SNTG2: variants seen among roughly 807,000 people sequenced by gnomAD.
The protein encoded by SNTG2 is gamma-2-syntrophin.
A neutral mutation model predicts 70.9 loss-of-function variants in SNTG2; 74 were observed. That is an observed-to-expected ratio of 1.04 (90% CI 0.86 to 1.27). SNTG2 has a LOEUF of 1.27. Ranked by LOEUF, SNTG2 falls within the 50% of genes most tolerant of loss-of-function variation. The pLI is 0.00. For missense variants in SNTG2, 717 were observed against 690.7 expected, an observed-to-expected ratio of 1.04 and a Z score of -0.43; for synonymous variants, 278 against 273.8, an observed-to-expected ratio of 1.02 and a Z score of -0.15.
At chr2:1,358,612 C>T (rs4927647) in intron 16 of SNTG2, among the ~76,000 whole-genome samples, 1 of 151,944 alleles carries the variant, frequency 6.6e-6, no homozygotes, top group East Asian at 1.9e-4. Flanking sequence ...TTGATCCATT[C>T]GTTCCCCAAG....
chr2:1,039,287 G>A (rs1661297132), intron 1 of SNTG2, among the ~76,000 whole-genome samples: 1 of 152,130 alleles, frequency 6.6e-6, no homozygotes, highest in Admixed American at 6.5e-5. Context: ...ATGTGTACAA[G>A]CCTTTCCTTC....
At chr2:981,791 G>C (rs1367938501) in intron 1 of SNTG2, among the ~76,000 whole-genome samples, 1 of 152,068 alleles carries the variant, frequency 6.6e-6, no homozygotes, top group African/African-American at 2.4e-5. Flanking sequence ...CTTGCAAGCA[G>C]ACATGTATAC....
intron 1 of SNTG2, among the ~76,000 whole-genome samples, chr2:1,082,403 C>A (rs903355139): frequency 6.6e-6 from 1 of 152,174 alleles, no homozygotes. Flanking sequence ...GTTCTCACAG[C>A]AGCTGAGTTG....
Position 1,353,198 on chromosome 2 carries a change from C to G in SNTG2, c.1489-14145C>G, listed in dbSNP as rs1175625423. 2.0e-5 allele frequency among the ~76,000 whole-genome samples: 3 copies of G among 152,176 alleles called. No individual in the cohort carries two copies. Among genetic ancestry groups the G allele is most frequent in the Non-Finnish European group, 4.4e-5 (3 of 68,028 alleles). The stretch of plus-strand genomic sequence containing the variant: ...GCAAAGGCTGCACATCAGGCCCCCT[C>G]CATCCCCAGGACAGCCAGGTCACCT... On this transcript the variant is annotated intron_variant, in intron 16 of 16. Coordinates refer to ENST00000308624, the MANE Select transcript of SNTG2 (RefSeq NM_018968.4). This position sits in a 1 kb window ranked among gnomAD's most constrained non-coding sequence, Gnocchi z 4.2.
intron 16 of SNTG2, among the ~76,000 whole-genome samples, chr2:1,318,998 T>A (rs1177404960): frequency 6.6e-6 from 1 of 152,170 alleles, no homozygotes; most frequent in Non-Finnish European, 1.5e-5. Flanking sequence ...TGAGGTTAAA[T>A]GTATTTGTGT....
chr2:1,221,292 TCTCTGTCC>T (rs1248777213), intron 9 of SNTG2, among the ~76,000 whole-genome samples: 6 of 151,640 alleles, frequency 4.0e-5, no homozygotes, highest in African/African-American at 1.5e-4. Context: ...TCTCTCTGTC[TCTCTGTCC>T]CTCTCTGTCT....
chr2:1,267,652 A>C lies in SNTG2; in HGVS notation c.1284+81A>C. Reference sequence around the variant, plus strand: ...AGCATTGGGGAATATGTAGCAGTTTATCGGGGGAAAAGAGGAATCTTCAGA... The same window carrying C: ...AGCATTGGGGAATATGTAGCAGTTTCTCGGGGGAAAAGAGGAATCTTCAGA... On this transcript the variant is annotated intron_variant, in intron 14 of 16. Coordinates refer to ENST00000308624, the MANE Select transcript of SNTG2 (RefSeq NM_018968.4). The C allele has an allele frequency of 2.3e-6, 3 of 1,277,538 alleles. No homozygotes were observed. In the Admixed American group the frequency reaches 5.8e-5, roughly 25 times the overall value. 79.1% of individuals were successfully genotyped at this position (1,277,538 alleles called of 1,614,324 possible). A position where few individuals can be genotyped will look rare whatever the true frequency, so the allele number is the denominator to read the frequency against.
intron 4 of SNTG2, among the ~76,000 whole-genome samples, chr2:1,112,215 C>G (rs12468727): frequency 0.34 from 51,113 of 149,146 alleles, 9,067 homozygotes; most frequent in East Asian, 0.52. Flanking sequence ...TGAGGAGGAT[C>G]GTGTGTACTA....
In SNTG2 at chr2:1,124,716, T is replaced by C. The variant is rs967309026; in HGVS notation, c.326-12906T>C. ...GGGAAATACCACATGACCTCACTTA[T>C]GGGTGGAACCTGACGAAAAGGTCAA... On this transcript the variant is annotated intron_variant, in intron 4 of 16. Coordinates refer to ENST00000308624, the MANE Select transcript of SNTG2 (RefSeq NM_018968.4). Among the ~76,000 whole-genome samples, 9 of 152,128 alleles carry C rather than the reference T, an allele frequency of 5.9e-5. No individual in the cohort carries two copies. The East Asian group carries it at 1.3e-3, about 23-fold the overall frequency.
chr2:1,307,709 T>C (rs964148448), intron 14 of SNTG2, among the ~76,000 whole-genome samples: 2 of 152,220 alleles, frequency 1.3e-5, no homozygotes, highest in African/African-American at 2.4e-5. Flanking sequence ...CCTGCTTCTT[T>C]CGTCTGGAGT....
chr2:1,012,136 C>A (rs1191912251), intron 1 of SNTG2, among the ~76,000 whole-genome samples: 1 of 152,162 alleles, frequency 6.6e-6, no homozygotes, highest in East Asian at 1.9e-4. Context: ...TTCTCCCTGA[C>A]AATCAATACG....
chr2:1,019,457 C>T (rs1385275574), intron 1 of SNTG2, among the ~76,000 whole-genome samples: 1 of 151,866 alleles, frequency 6.6e-6, no homozygotes, highest in Non-Finnish European at 1.5e-5. Context: ...GGGAAGAGGC[C>T]ATAGGTGTGC....
chr2:1,243,567 A>G (rs1245057429), intron 11 of SNTG2, among the ~76,000 whole-genome samples: 1 of 152,210 alleles, frequency 6.6e-6, no homozygotes, highest in African/African-American at 2.4e-5. Context: ...CTCGCCCTTG[A>G]TCTACCTGTA....
At chr2:1,186,385 ATT>A in intron 8 of SNTG2, among the ~76,000 whole-genome samples, 1 of 152,250 alleles carries the variant, frequency 6.6e-6, no homozygotes, top group East Asian at 1.9e-4. Flanking sequence ...TCACTTTCAC[ATT>A]TTCAGGTATC....
chr2:1,129,464 T>C (rs1416433391), intron 4 of SNTG2, among the ~76,000 whole-genome samples: 2 of 152,220 alleles, frequency 1.3e-5, no homozygotes, highest in Non-Finnish European at 2.9e-5. Flanking sequence ...GACACAAATA[T>C]ACAATTTTGG....
At chr2:1,351,270 C>T (rs147414713) in intron 16 of SNTG2, among the ~76,000 whole-genome samples, 1 of 152,126 alleles carries the variant, frequency 6.6e-6, no homozygotes, top group African/African-American at 2.4e-5. Context: ...TCTGGAGGCA[C>T]AGGAAGAGGC....
chr2:1,247,196 C>G (rs1677478823), intron 11 of SNTG2, 131 bp from the exon 12 acceptor site: 1 of 591,048 alleles, frequency 1.7e-6, no homozygotes, highest in South Asian at 2.2e-5. Context: ...TGGACATCTC[C>G]ACGTTTCTCC....
chr2:1,049,189 G>A (rs1187623911), intron 1 of SNTG2, among the ~76,000 whole-genome samples: 1 of 152,128 alleles, frequency 6.6e-6, no homozygotes, highest in Non-Finnish European at 1.5e-5. Flanking sequence ...GAGTTCAAAC[G>A]AGGATACACT....
At position 1,007,058 on chromosome 2, in the gene SNTG2, A is replaced by AATGT. The variant is rs796920099; in HGVS notation, c.72+55991_72+55994dup. The stretch of plus-strand genomic sequence containing the variant: ...AAATAAATAAATAAATAAATAAATA[A>AATGT]ATGTGTATATATATATGTATGTATA... On this transcript the variant is annotated intron_variant, in intron 1 of 16. Coordinates refer to ENST00000308624, the MANE Select transcript of SNTG2 (RefSeq NM_018968.4). 8.0e-4 allele frequency among the ~76,000 whole-genome samples: 56 copies of AATGT among 70,322 alleles called. 1 individual carries two copies. Among genetic ancestry groups the AATGT allele is most frequent in the Middle Eastern group, 0.019 (2 of 104 alleles). 46.1% of individuals were successfully genotyped at this position (70,322 alleles called of 152,430 possible). A position where few individuals can be genotyped will look rare whatever the true frequency, so the allele number is the denominator to read the frequency against.
Sources: gnomAD v4.1 joint callset for allele counts (sites outside exome capture counted in the v4.1 genomes callset) on GRCh38, gnomAD v4.1.1 for gene constraint, Gnocchi (gnomAD v3.1) non-coding constraint, MANE v1.5 for transcripts, NCBI Gene and HGNC (gene_info 2026-07-23, HGNC 2026-07-21) for gene names.